The following POU2F3 variants were observed in gnomAD, a reference collection of about 807,000 sequenced individuals.
POU2F3 encodes POU domain, class 2, transcription factor 3.
A neutral mutation model predicts 59.2 loss-of-function variants in POU2F3; 23 were observed. That is an observed-to-expected ratio of 0.39 (90% CI 0.28 to 0.55). The LOEUF (loss-of-function observed/expected upper bound fraction) is 0.55, where lower values mean the gene tolerates loss of function less well. POU2F3 is among the 20% of genes least tolerant of loss of function. POU2F3 has a pLI of 0.66. For missense variants in POU2F3, 473 were observed against 544.5 expected (o/e 0.87, Z 1.31); for synonymous variants, 190 against 214.6 (o/e 0.89, Z 1.00).
chr11:120,274,088 AAAGG>A (rs1304930734), intron 3 of POU2F3, among the ~76,000 whole-genome samples: 23 of 95,628 alleles, frequency 2.4e-4, no homozygotes, highest in East Asian at 1.0e-3. Context: ...AGAGAGAAAG[AAAGG>A]AAGGAAGGAA....
At chr11:120,259,693 T>G (rs1939510582) in intron 2 of POU2F3, among the ~76,000 whole-genome samples, 1 of 152,184 alleles carries the variant, frequency 6.6e-6, no homozygotes, top group African/African-American at 2.4e-5. Context: ...AGCAACTTTT[T>G]GTTTTAATAT....
intron 2 of POU2F3, among the ~76,000 whole-genome samples, chr11:120,251,149 C>T (rs1939080190): frequency 6.6e-6 from 1 of 152,124 alleles, no homozygotes; most frequent in Non-Finnish European, 1.5e-5. Context: ...TTTAAATTAT[C>T]TCTTTGTAGA....
chr11:120,293,597 A>G (rs1444077031), intron 3 of POU2F3, among the ~76,000 whole-genome samples: 1 of 152,190 alleles, frequency 6.6e-6, no homozygotes, highest in Admixed American at 6.5e-5. Context: ...TGAAATGTTT[A>G]TGAAACACTT....
At chr11:120,305,574 A>G in intron 7 of POU2F3, 70 bp from the exon 8 acceptor site, 2 of 1,586,024 alleles carry the variant, frequency 1.3e-6, no homozygotes, top group Admixed American at 1.7e-5. Flanking sequence ...TGCTAGGACC[A>G]TGCAGGATGT....
chr11:120,275,797 T>C (rs1351318145), intron 3 of POU2F3, among the ~76,000 whole-genome samples: 1 of 152,224 alleles, frequency 6.6e-6, no homozygotes, highest in African/African-American at 2.4e-5. Flanking sequence ...TGCCTGTTTC[T>C]GGACACCTGC....
chr11:120,318,213 A>C lies in POU2F3; in HGVS notation c.1272-140A>C. The C allele has an allele frequency of 4.1e-6, 3 of 739,538 alleles. No individual in the cohort carries two copies. In the South Asian group the frequency reaches 5.1e-5, roughly 13 times the overall value. The allele number at this position is 739,538 out of a possible 1,614,324, so 45.8% of individuals were successfully genotyped here. A position where few individuals can be genotyped will look rare whatever the true frequency, so the allele number is the denominator to read the frequency against. The stretch of plus-strand genomic sequence containing the variant: ...TTTAGTATATTCACAAGGTTGTGCA[A>C]CCATCAGCGTTATCTAATTCCAGGA... On this transcript the variant is annotated intron_variant, in intron 12 of 12. Transcript: ENST00000543440.
At position 120,315,713 on chromosome 11, in the gene POU2F3, A is replaced by G. The variant is rs1203462890; in HGVS notation, c.1135+286A>G. Among the ~76,000 whole-genome samples the G allele has an allele frequency of 3.3e-5, 5 of 152,236 alleles. No homozygotes were observed. In the East Asian group the frequency reaches 9.7e-4, roughly 29 times the overall value. On this transcript the variant is annotated intron_variant, in intron 11 of 12. Transcript: ENST00000543440. ...ATGAACTGTGTGGAAGGCCCAGGGG[A>G]GGCAAGGCTTCCCAAAGTAATACTC...
rs555747642 is a variant in POU2F3, at chr11:120,246,491, G to A, written c.71G>A (p.Arg24His). The A allele has an allele frequency of 3.0e-5, 48 of 1,613,710 alleles. No individual in the cohort carries two copies. In the South Asian group the frequency reaches 4.5e-4, roughly 15 times the overall value. The change falls in exon 2 of 13, where the codon CGC (arginine) becomes CAC (histidine). Residue 24 changes from arginine to histidine, a missense_variant. Coordinates refer to ENST00000543440, the MANE Select transcript of POU2F3 (RefSeq NM_014352.4). ...GATGTAGCCGATTCCACGGATGCTCGCAGCACTCTCAGCCAGGTGGAGCCA... is the reference window on the plus strand; with the variant it reads ...GATGTAGCCGATTCCACGGATGCTCACAGCACTCTCAGCCAGGTGGAGCCA... ...SGDVADSTDARSTLSQVEPGN... is the reference protein window; with the variant it reads ...SGDVADSTDAHSTLSQVEPGN...
At chr11:120,269,974 T>C (rs1330892827) in intron 3 of POU2F3, among the ~76,000 whole-genome samples, 1 of 149,870 alleles carries the variant, frequency 6.7e-6, no homozygotes, top group Non-Finnish European at 1.5e-5. Context: ...ATGGCGGGAG[T>C]GGGAGAGTTT....
At chr11:120,317,453 T>A in intron 12 of POU2F3, 89 bp downstream of exon 12, 1 of 1,546,024 alleles carries the variant, frequency 6.5e-7, no homozygotes, top group Non-Finnish European at 8.9e-7. Flanking sequence ...AGAAAGCTTG[T>A]CATAGAAAGG....
At chr11:120,308,878 G>T (rs1156588308) in intron 9 of POU2F3, among the ~76,000 whole-genome samples, 5 of 140,210 alleles carry the variant, frequency 3.6e-5, no homozygotes, top group African/African-American at 1.3e-4. Context: ...GGCGCAGGTT[G>T]CAGTGAGCGG....
At chr11:120,310,047 T>C (rs1941614292) in intron 10 of POU2F3, among the ~76,000 whole-genome samples, 1 of 152,050 alleles carries the variant, frequency 6.6e-6, no homozygotes, top group Admixed American at 6.5e-5. Flanking sequence ...GGCTTTCAGT[T>C]TGGGTAAAAT....
intron 4 of POU2F3, 73 bp from the exon 5 acceptor site, chr11:120,299,551 G>C (rs909538565): frequency 9.4e-6 from 13 of 1,378,816 alleles, no homozygotes. Flanking sequence ...TGGGACGGAC[G>C]AGTGGCAGGC....
At chr11:120,316,229 A>G (rs1366622343) in intron 11 of POU2F3, among the ~76,000 whole-genome samples, 1 of 152,146 alleles carries the variant, frequency 6.6e-6, no homozygotes, top group African/African-American at 2.4e-5. Context: ...AATATATGTC[A>G]CCCTATCCAT....
rs753408623 is a variant in POU2F3 at position 120,305,183 on chromosome 11, C to A, written c.598C>A (p.Gln200Lys). 6.2e-7 allele frequency: 1 copy of A among 1,613,766 alleles called. No individual in the cohort carries two copies. Among genetic ancestry groups the A allele is most frequent in the East Asian group, 2.2e-5 (1 of 44,824 alleles). ...ELEKFAKTFK[Q>K]RRIKLGFTQG... ...GGAGAAGTTTGCCAAGACCTTCAAG[C>A]AGAGGCGCATTAAGCTGGGCTTCAC... Residue 200 changes from glutamine to lysine, a missense_variant, in exon 7 of 13, where the codon CAG becomes AAG. Physicochemically the swap from Gln to Lys is moderately conservative, Grantham distance 53 (BLOSUM62 1). Coordinates refer to ENST00000543440, the MANE Select transcript of POU2F3 (RefSeq NM_014352.4).
At chr11:120,274,336 G>C (rs1195675188) in intron 3 of POU2F3, among the ~76,000 whole-genome samples, 2 of 152,216 alleles carry the variant, frequency 1.3e-5, no homozygotes, top group South Asian at 4.1e-4. Flanking sequence ...ATGATATGTA[G>C]CTAACTCTTA....
intron 9 of POU2F3, 37 bp from the exon 10 acceptor site, chr11:120,309,388 T>G: frequency 6.4e-7 from 1 of 1,564,406 alleles, no homozygotes; most frequent in Non-Finnish European, 8.8e-7. Flanking sequence ...CCTGATTCCC[T>G]TCTCTTGGCC....
chr11:120,263,051 G>A (rs1939671315), intron 2 of POU2F3, among the ~76,000 whole-genome samples: 1 of 151,482 alleles, frequency 6.6e-6, no homozygotes, highest in African/African-American at 2.4e-5. Context: ...CAGGGCAGTG[G>A]CACAATCTTG....
At chr11:120,240,121 G>A, upstream of POU2F3, 1 of 1,165,940 alleles carries the variant, frequency 8.6e-7, no homozygotes, top group Non-Finnish European at 1.1e-6. Context: ...CCCGCCCCGC[G>A]CCGCGTGCTC....
Sources: allele counts gnomAD v4.1 joint callset (sites outside exome capture counted in the v4.1 genomes callset), GRCh38; gene constraint gnomAD v4.1.1; transcripts MANE v1.5; gene names NCBI Gene and HGNC (gene_info 2026-07-23, HGNC 2026-07-21).